LINC01488: variants seen among roughly 807,000 people sequenced by gnomAD.
The protein encoded by LINC01488 is CCND1-upstream intergenic DNA repair 1.
At chr11:69,488,585 A>T (rs936416117) in intron 1 of LINC01488, among the ~76,000 whole-genome samples, 1 of 152,208 alleles carries the variant, frequency 6.6e-6, no homozygotes, top group African/African-American at 2.4e-5. Context: ...AGGGGCAGTT[A>T]ATGGACCGGC....
intron 1 of LINC01488, among the ~76,000 whole-genome samples, chr11:69,484,218 G>T (rs1857079658): frequency 6.6e-6 from 1 of 152,178 alleles, no homozygotes; most frequent in Non-Finnish European, 1.5e-5. Flanking sequence ...AAACAGACAG[G>T]CCAGGGCATG....
At chr11:69,488,593 G>A (rs554369199) in intron 1 of LINC01488, among the ~76,000 whole-genome samples, 1 of 152,214 alleles carries the variant, frequency 6.6e-6, no homozygotes, top group Admixed American at 6.5e-5. Flanking sequence ...TTAATGGACC[G>A]GCCCGGGGTG....
rs1187347444 is a variant in LINC01488, at chr11:69,489,624, T to A, written n.123-871T>A. On this transcript the variant is annotated intron_variant and non_coding_transcript_variant, in intron 1 of 3. Coordinates refer to ENST00000644563, the Ensembl canonical transcript of LINC01488. ...GCTGCAGGCGGGCTGCGGACTCCCA[T>A]GCACCGGTAGCGGGTGCTCCAAGGG... 7.2e-5 allele frequency among the ~76,000 whole-genome samples: 11 copies of A among 152,248 alleles called. No homozygotes were observed. In the East Asian group the frequency reaches 2.1e-3, roughly 29 times the overall value.
intron 2 of LINC01488, chr11:69,490,612 G>T (rs540770180): frequency 4.6e-5 from 7 of 152,376 alleles, no homozygotes; most frequent in South Asian, 4.1e-4. Flanking sequence ...AAGGCAGGGG[G>T]GCCCCTATGT....
chr11:69,489,156 C>T (rs2134973684), intron 1 of LINC01488, among the ~76,000 whole-genome samples: 1 of 152,318 alleles, frequency 6.6e-6, no homozygotes, highest in South Asian at 2.1e-4. Flanking sequence ...CCAGGCATCA[C>T]ATGTCAGGGA....
At chr11:69,492,430 G>T (rs763203484) in exon 4 of LINC01488, 57 of 152,352 alleles carry the variant, frequency 3.7e-4, no homozygotes, top group African/African-American at 9.9e-4. Context: ...ACTGTCTGGC[G>T]GGCCCAGCAT....
intron 1 of LINC01488, among the ~76,000 whole-genome samples, chr11:69,484,924 T>C (rs1436118407): frequency 6.6e-6 from 1 of 152,234 alleles, no homozygotes; most frequent in Non-Finnish European, 1.5e-5. Context: ...AATCTTCTAG[T>C]GCATGTGATT....
intron 1 of LINC01488, among the ~76,000 whole-genome samples, chr11:69,485,350 G>T (rs1342235959): frequency 6.6e-6 from 1 of 152,220 alleles, no homozygotes; most frequent in African/African-American, 2.4e-5. Flanking sequence ...GGGCTCAGGA[G>T]TTCTTGGAGT....
chr11:69,488,309 G>A (rs1857156853), intron 1 of LINC01488: 1 of 152,374 alleles, frequency 6.6e-6, no homozygotes, highest in Non-Finnish European at 1.5e-5. Flanking sequence ...CTGGACCAGG[G>A]TAAGAGGGAG....
chr11:69,487,689 A>G (rs1857147396), intron 1 of LINC01488, among the ~76,000 whole-genome samples: 1 of 152,264 alleles, frequency 6.6e-6, no homozygotes, highest in South Asian at 2.1e-4. Context: ...CTCCCCAGGC[A>G]GGTGTGGGTG....
chr11:69,485,096 G>A (rs559521886), intron 1 of LINC01488, among the ~76,000 whole-genome samples: 9 of 152,272 alleles, frequency 5.9e-5, no homozygotes, highest in South Asian at 2.1e-4. Flanking sequence ...AGTGGGGGGC[G>A]GGGTGGAGTT....
At chr11:69,491,359 A>C (rs1421424938) in exon 3 of LINC01488, 3 of 152,252 alleles carry the variant, frequency 2.0e-5, no homozygotes, top group Non-Finnish European at 2.9e-5. Flanking sequence ...CTGCATCCCC[A>C]CCATGAACTT....
At chr11:69,487,797 A>G (rs1485277687) in intron 1 of LINC01488, 1 of 152,036 alleles carries the variant, frequency 6.6e-6, no homozygotes, top group Non-Finnish European at 1.5e-5. Context: ...ATCTTGTCCA[A>G]AGGGAATCTT....
At chr11:69,488,129 A>C (rs1347141191) in intron 1 of LINC01488, 3 of 152,392 alleles carry the variant, frequency 2.0e-5, no homozygotes, top group Non-Finnish European at 4.4e-5. Flanking sequence ...GCCTGGTCCC[A>C]CCCTAGTGGG....
chr11:69,485,433 G>T (rs1857099983), intron 1 of LINC01488, among the ~76,000 whole-genome samples: 1 of 152,230 alleles, frequency 6.6e-6, no homozygotes, highest in East Asian at 1.9e-4. Flanking sequence ...GACACCAGAA[G>T]AACCAGGGGA....
At position 69,487,191 on chromosome 11, in the gene LINC01488, C is replaced by T. The variant is rs566870981; in HGVS notation, n.123-3304C>T. Among the ~76,000 whole-genome samples, 6 of 152,184 alleles carry T rather than the reference C, an allele frequency of 3.9e-5. No individual in the cohort carries two copies. The East Asian group carries it at 7.8e-4, about 20-fold the overall frequency. On this transcript the variant is annotated intron_variant and non_coding_transcript_variant, in intron 1 of 3. Coordinates refer to ENST00000644563, the Ensembl canonical transcript of LINC01488. ...ACACTGTGTCCCCAAGGCTTGGGTG[C>T]GGTGCTTGGAGCTGGCACAGAAGAG...
chr11:69,489,990 C>T (rs1857193293), intron 1 of LINC01488, among the ~76,000 whole-genome samples: 1 of 152,174 alleles, frequency 6.6e-6, no homozygotes, highest in South Asian at 2.1e-4. Flanking sequence ...GCTCCTGCAC[C>T]CTGGAGTGTC....
At chr11:69,491,771 C>T (rs1046528078) in intron 3 of LINC01488, 3 of 152,606 alleles carry the variant, frequency 2.0e-5, no homozygotes, top group African/African-American at 4.8e-5. Context: ...ACCCCTGCCC[C>T]ATGGCGCTGC....
chr11:69,487,683 C>T (rs1415769258), intron 1 of LINC01488, among the ~76,000 whole-genome samples: 1 of 152,154 alleles, frequency 6.6e-6, no homozygotes, highest in South Asian at 2.1e-4. Flanking sequence ...AGGGTGCTCC[C>T]CAGGCAGGTG....
Sources: allele counts gnomAD v4.1 joint callset (sites outside exome capture counted in the v4.1 genomes callset), GRCh38; gene constraint gnomAD v4.1.1; transcripts MANE v1.5; gene names NCBI Gene and HGNC (gene_info 2026-07-23, HGNC 2026-07-21).